Variants in SMC1A observed in about 807,000 individuals in gnomAD.
SMC1A encodes structural maintenance of chromosomes protein 1A.
In SMC1A, 4 loss-of-function variants were observed where a neutral mutation model predicts 94.5. The observed-to-expected ratio is 0.04, with a 90% CI of 0.02 to 0.10. The LOEUF (loss-of-function observed/expected upper bound fraction) is 0.10, where lower values mean the gene tolerates loss of function less well. Among genes scored for constraint, SMC1A ranks in the 10% least tolerant of loss-of-function variants. The pLI is 1.00. For missense variants in SMC1A, 304 were observed against 989.0 expected, an observed-to-expected ratio of 0.31 and a Z score of 9.29; for synonymous variants, 345 against 347.7, an observed-to-expected ratio of 0.99 and a Z score of 0.09.
chrX:53,420,392 C>T (rs782713430), intron 1 of SMC1A, among the ~76,000 whole-genome samples: 8 of 109,147 alleles, frequency 7.3e-5, no homozygotes, highest in East Asian at 2.9e-4. Flanking sequence ...GATGGGGTGG[C>T]GCACGCCTGT....
chrX:53,379,941 A>G lies in SMC1A; in HGVS notation c.*162T>C. On this transcript the variant is annotated 3_prime_UTR_variant, in exon 25 of 25. Transcript: ENST00000322213. ...GTTCAGGAATTTTTGCTCCAGACCT[A>G]ACATCACCTCTGTTCCTCTTCATGC... 8.3e-6 allele frequency: 4 copies of G among 483,922 alleles called. No homozygotes were observed. The South Asian group carries it at 1.2e-4, about 14-fold the overall frequency. The allele number at this position is 483,922 out of a possible 1,213,427, so 39.9% of individuals were successfully genotyped here. A position where few individuals can be genotyped will look rare whatever the true frequency, so the allele number is the denominator to read the frequency against.
intron 7 of SMC1A, 96 bp from the exon 8 acceptor site, chrX:53,409,599 G>A: frequency 1.5e-6 from 1 of 661,457 alleles, no homozygotes; most frequent in South Asian, 2.2e-5. Flanking sequence ...ACTCATCCAA[G>A]AGCCGAACAG....
At position 53,414,766 on chromosome X, in the gene SMC1A, C is replaced by T; in HGVS notation, c.403G>A (p.Val135Ile). ...GILIKARNFL[V>I]FQGAVESIAM... ...CTGTTAAAAACGCCCACCTGGAAAA[C>T]GAGGAAGTTACGAGCTTTGATGAGA... Residue 135 changes from valine to isoleucine, a missense_variant, in exon 3 of 25, where the codon GTT becomes ATT. Physicochemically the swap from Val to Ile is conservative, Grantham distance 29 (BLOSUM62 3). Around this residue, in one of 11 missense-constraint regions of SMC1A, gnomAD observed 120 missense variants for 314.9 expected, o/e 0.38. Transcript: ENST00000322213. 1 of 1,195,378 alleles carries T rather than the reference C, an allele frequency of 8.4e-7. No homozygotes were observed. The highest frequency in any genetic ancestry group is 1.1e-6 in the Non-Finnish European group (1 of 880,517).
intron 22 of SMC1A, 55 bp from the exon 23 acceptor site, chrX:53,381,142 C>T (rs782458658): frequency 1.3e-5 from 5 of 390,779 alleles, no homozygotes; most frequent in East Asian, 5.5e-5. Context: ...GGTGGCAAGG[C>T]GGGGTGGGAC....
rs1333852286 is a variant in SMC1A at position 53,375,209 on chromosome X, C to T, written c.*4894G>A. 1.8e-5 allele frequency: 2 copies of T among 112,236 alleles called. No homozygotes were observed. Among genetic ancestry groups the T allele is most frequent in the Admixed American group, 9.4e-5 (1 of 10,607 alleles). 9.2% of individuals were successfully genotyped at this position (112,236 alleles called of 1,213,427 possible). ...TTGGCAACCATCTTGTTTGACCTGT[C>T]CAATACATTGACCTTCAAGGTTCAA... On this transcript the variant is annotated 3_prime_UTR_variant, in exon 25 of 25. Transcript: ENST00000322213.
chrX:53,396,578 C>T lies in SMC1A; in HGVS notation c.2602G>A (p.Ala868Thr). 8.3e-7 allele frequency: 1 copy of T among 1,209,149 alleles called. No individual in the cohort carries two copies. Among genetic ancestry groups the T allele is most frequent in the Non-Finnish European group, 1.1e-6 (1 of 894,127 alleles). Residue 868 changes from alanine (A) to threonine (T), a missense_variant, in exon 17 of 25, where the codon GCT (alanine) becomes ACT (threonine). By Grantham distance (58) the Ala-to-Thr change is moderately conservative. Transcript: ENST00000322213. ...RHMKIIDETM[A>T]QLQDLKNQHL... ...TGATTCTTCAGGTCTTGTAGCTGAG[C>T]CATGGTCTCATCTATGATCTTCATG... is the stretch of plus-strand genomic sequence containing the variant.
At chrX:53,393,441 T>A (rs2075637365) in intron 19 of SMC1A, among the ~76,000 whole-genome samples, 1 of 111,256 alleles carries the variant, frequency 9.0e-6, no homozygotes, top group African/African-American at 3.3e-5. Flanking sequence ...AAAATAAAAA[T>A]AAAAAAATAT....
At chrX:53,386,201 A>C (rs1232777872) in intron 19 of SMC1A, among the ~76,000 whole-genome samples, 1 of 112,145 alleles carries the variant, frequency 8.9e-6, no homozygotes, top group Non-Finnish European at 1.9e-5. Context: ...ATTGTAAAAA[A>C]AAAAGAACAT....
chrX:53,409,342 T>A, intron 8 of SMC1A, 73 bp from the exon 9 acceptor site: 1 of 1,156,844 alleles, frequency 8.6e-7, no homozygotes, highest in South Asian at 1.8e-5. Context: ...GCTCTGGGGG[T>A]CCTGCATGAA....
chrX:53,422,393 G>A, intron 1 of SMC1A, 99 bp downstream of exon 1: 2 of 610,635 alleles, frequency 3.3e-6, no homozygotes, highest in East Asian at 3.3e-5. Flanking sequence ...GTAAGGGTCC[G>A]CGACGTTTCA....
intron 1 of SMC1A, among the ~76,000 whole-genome samples, chrX:53,416,633 G>A (rs1160262355): frequency 3.6e-5 from 4 of 110,114 alleles, no homozygotes; most frequent in East Asian, 2.9e-4. Flanking sequence ...CTTGTGATTC[G>A]CCCACCTCGG....
At chrX:53,397,479 G>A (rs1272483048) in intron 16 of SMC1A, among the ~76,000 whole-genome samples, 7 of 111,521 alleles carry the variant, frequency 6.3e-5, no homozygotes, top group Non-Finnish European at 1.1e-4. Context: ...TACTTGAGAG[G>A]TTGAGGCGGG....
chrX:53,409,314 A>T (rs782757602), intron 8 of SMC1A, 45 bp from the exon 9 acceptor site: 126 of 1,180,449 alleles, frequency 1.1e-4, no homozygotes, highest in Non-Finnish European at 1.4e-4. Flanking sequence ...TGGTGAGAAA[A>T]TACTCCTGGC....
intron 13 of SMC1A, 143 bp from the exon 14 acceptor site, chrX:53,404,036 C>A: frequency 1.9e-6 from 1 of 521,000 alleles, no homozygotes. Context: ...CTAGTCAAGC[C>A]TCCATGATGT....
At chrX:53,399,479 G>T in intron 16 of SMC1A, 110 bp downstream of exon 16, 3 of 759,730 alleles carry the variant, frequency 3.9e-6, no homozygotes, top group South Asian at 2.3e-5. Context: ...TTTTCTTATT[G>T]ATTTAGATGA....
chrX:53,385,381 C>T (rs2075600862), intron 19 of SMC1A, among the ~76,000 whole-genome samples: 1 of 106,936 alleles, frequency 9.4e-6, no homozygotes, highest in Admixed American at 1.0e-4. Flanking sequence ...CGCCATTCTC[C>T]TGCCTCAGCC....
Position 53,412,122 on chromosome X carries a change from C to T in SMC1A, c.986G>A (p.Arg329His), listed in dbSNP as rs782449052. The T allele has an allele frequency of 2.5e-6, 3 of 1,209,958 alleles. No individual in the cohort carries two copies. The highest frequency in any genetic ancestry group is 3.0e-5 in the East Asian group (1 of 33,776). Residue 329 changes from arginine to histidine, a missense_variant, in exon 6 of 25, where the codon CGT becomes CAT. Arg to His is a conservative substitution (Grantham distance 29). Around this residue, in one of 11 missense-constraint regions of SMC1A, gnomAD observed 120 missense variants for 314.9 expected, o/e 0.38. Coordinates refer to ENST00000322213, the MANE Select transcript of SMC1A (RefSeq NM_006306.4). ...LQNAQKHYKK[R>H]KGDMDELEKE... ...CTCCAGCTCATCCATGTCACCTTTA[C>T]GCTTCTTGTAGTGCTTCTGAGCATT...
chrX:53,419,536 A>AAG (rs1556891765), intron 1 of SMC1A, among the ~76,000 whole-genome samples: 102 of 108,626 alleles, frequency 9.4e-4, no homozygotes, highest in African/African-American at 3.3e-3. Flanking sequence ...CCAAAAAAAA[A>AAG]AAAAATAGGC....
At chrX:53,404,977 G>A in intron 13 of SMC1A, 35 bp downstream of exon 13, 18 of 1,179,644 alleles carry the variant, frequency 1.5e-5, no homozygotes, top group Non-Finnish European at 1.9e-5. Flanking sequence ...TGTGTGGATG[G>A]CCTTTGGAGA....
Sources: allele counts gnomAD v4.1 joint callset (sites outside exome capture counted in the v4.1 genomes callset), GRCh38; gene constraint gnomAD v4.1.1; regional missense constraint gnomAD v4.1.1; transcripts MANE v1.5; gene names NCBI Gene and HGNC (gene_info 2026-07-23, HGNC 2026-07-21).